TGFA: variants seen among roughly 807,000 people sequenced by gnomAD.
The protein encoded by TGFA is transforming growth factor alpha, also known as protransforming growth factor alpha.
TGFA carries 12 observed loss-of-function variants against 21.7 expected under a neutral mutation model. The observed-to-expected ratio is 0.55, with a 90% CI of 0.35 to 0.90. The LOEUF is 0.90. Among genes scored for constraint, TGFA ranks in the 40% least tolerant of loss-of-function variants. The probability of loss-of-function intolerance (pLI) is 0.01; values close to 1 mark genes in which losing one functional copy is unlikely to be tolerated. For missense variants in TGFA, 178 were observed against 210.8 expected (o/e 0.84, Z 0.96); for synonymous variants, 79 against 88.1 (o/e 0.90, Z 0.58).
intron 1 of TGFA, chr2:70,553,405 G>C: frequency 6.9e-7 from 1 of 1,442,586 alleles, no homozygotes; most frequent in Non-Finnish European, 9.0e-7. Flanking sequence ...AAGCAGGTAG[G>C]TGTAGGCATG....
intron 4 of TGFA, 146 bp downstream of exon 4, chr2:70,456,193 C>G: frequency 8.5e-7 from 1 of 1,173,972 alleles, no homozygotes; most frequent in South Asian, 1.6e-5. Context: ...CAACAGTCAT[C>G]AAAGTAGCAT....
In TGFA at chr2:70,453,322, C is replaced by A. The variant is rs1236281679; in HGVS notation, c.371G>T (p.Cys124Phe). ...LIITCVLIHCCQVRKHCEWCR... is the reference protein window; with the variant it reads ...LIITCVLIHCFQVRKHCEWCR... ...CCACTCACAGTGTTTTCGGACCTGG[C>A]AGCAGCTGCAAAGACACAGAGGACC... Residue 124 changes from cysteine (C) to phenylalanine (F), a missense_variant, in exon 5 of 6, where the codon TGC becomes TTC. Transcript: ENST00000295400. The A allele has an allele frequency of 1.2e-6, 2 of 1,613,024 alleles. No individual in the cohort carries two copies. Among genetic ancestry groups the A allele is most frequent in the African/African-American group, 2.7e-5 (2 of 74,930 alleles).
At chr2:70,486,205 TC>T (rs1278415837) in intron 2 of TGFA, among the ~76,000 whole-genome samples, 3 of 152,212 alleles carry the variant, frequency 2.0e-5, no homozygotes, top group Admixed American at 2.0e-4. Context: ...AAAAATGACC[TC>T]TGTAGACTTA....
chr2:70,478,441 C>A (rs556394112), intron 2 of TGFA, among the ~76,000 whole-genome samples: 38 of 152,102 alleles, frequency 2.5e-4, no homozygotes, highest in South Asian at 1.0e-3. Context: ...CCCTACAGTT[C>A]TCCAAATGGC....
intron 2 of TGFA, among the ~76,000 whole-genome samples, chr2:70,504,467 C>CACAT (rs1308758543): frequency 1.2e-5 from 1 of 82,882 alleles, no homozygotes; most frequent in African/African-American, 4.2e-5. Flanking sequence ...TATATATACA[C>CACAT]ACATACATAC....
At chr2:70,518,366 A>G (rs550010303) in intron 1 of TGFA, among the ~76,000 whole-genome samples, 24 of 152,348 alleles carry the variant, frequency 1.6e-4, no homozygotes, top group Non-Finnish European at 2.9e-4. Flanking sequence ...TGAAAGGCTG[A>G]TCCTGTGTCC....
At position 70,453,777 on chromosome 2, in the gene TGFA, G is replaced by A. The variant is rs1175203005; in HGVS notation, c.366-450C>T. Among the ~76,000 whole-genome samples, 4 of 152,224 alleles carry A rather than the reference G, an allele frequency of 2.6e-5. No individual in the cohort carries two copies. The East Asian group carries it at 7.7e-4, about 29-fold the overall frequency. The stretch of plus-strand genomic sequence containing the variant: ...AGAGGTTATTCATCTGGTATTGCCA[G>A]TAGCAGAACAAGGAACTTGGATGGC... On this transcript the variant is annotated intron_variant, in intron 4 of 5. Transcript: ENST00000295400.
rs1031170725 is a variant in TGFA at position 70,448,959 on chromosome 2, A to G, written c.*1900T>C. ...ACTGATTGATAGAGGTCTAAAAACCAGTGTCCGTTGATTGGTCTCTAAGCA... is the reference window on the plus strand; with the variant it reads ...ACTGATTGATAGAGGTCTAAAAACCGGTGTCCGTTGATTGGTCTCTAAGCA... On this transcript the variant is annotated 3_prime_UTR_variant, in exon 6 of 6. Coordinates refer to ENST00000295400, the MANE Select transcript of TGFA (RefSeq NM_003236.4). 6.6e-5 allele frequency: 10 copies of G among 152,246 alleles called. No individual in the cohort carries two copies. Among genetic ancestry groups the G allele is most frequent in the African/African-American group, 2.4e-4 (10 of 41,468 alleles). The allele number at this position is 152,246 out of a possible 1,614,324, so 9.4% of individuals were successfully genotyped here. A position where few individuals can be genotyped will look rare whatever the true frequency, so the allele number is the denominator to read the frequency against.
At chr2:70,535,733 C>T (rs782755966) in intron 1 of TGFA, among the ~76,000 whole-genome samples, 7 of 152,200 alleles carry the variant, frequency 4.6e-5, no homozygotes, top group Non-Finnish European at 1.0e-4. Flanking sequence ...CCCTCTGTTG[C>T]ACCGTATGGG....
intron 1 of TGFA, among the ~76,000 whole-genome samples, chr2:70,542,688 A>G (rs1673168215): frequency 6.6e-6 from 1 of 152,234 alleles, no homozygotes; most frequent in South Asian, 2.1e-4. Context: ...CAGCAGCCTC[A>G]GCTACAAATT....
chr2:70,542,960 G>A (rs1673175555), intron 1 of TGFA, among the ~76,000 whole-genome samples: 1 of 151,636 alleles, frequency 6.6e-6, no homozygotes, highest in South Asian at 2.1e-4. Context: ...AAAATTAGCC[G>A]GGCGTAGTGG....
intron 4 of TGFA, among the ~76,000 whole-genome samples, chr2:70,453,975 G>T (rs1321973377): frequency 6.6e-6 from 1 of 151,606 alleles, no homozygotes; most frequent in Non-Finnish European, 1.5e-5. Context: ...CCCTCTGTGG[G>T]CAGGAATGGA....
intron 4 of TGFA, among the ~76,000 whole-genome samples, chr2:70,454,012 A>T (rs1259965354): frequency 1.3e-5 from 2 of 151,686 alleles, no homozygotes; most frequent in Admixed American, 6.6e-5. Context: ...CATGAAAAAA[A>T]AAAAGCCCCA....
chr2:70,521,535 G>A (rs1252320457), intron 1 of TGFA, among the ~76,000 whole-genome samples: 1 of 151,460 alleles, frequency 6.6e-6, no homozygotes, highest in African/African-American at 2.4e-5. Context: ...TGAGAAAAAT[G>A]TGGTATATTG....
intron 2 of TGFA, among the ~76,000 whole-genome samples, chr2:70,510,058 A>C (rs1672044883): frequency 6.6e-6 from 1 of 152,136 alleles, no homozygotes; most frequent in African/African-American, 2.4e-5. Flanking sequence ...TCTGTCCCCA[A>C]CCATGCTATT....
rs797022948 is a variant in TGFA, at chr2:70,521,609, G to GTTTTTTTTTTTTTTTTTTTTTTTT, written c.41-6698_41-6697insAAAAAAAAAAAAAAAAAAAAAAAA. Among the ~76,000 whole-genome samples, 26 of 78,884 alleles carry GTTTTTTTTTTTTTTTTTTTTTTTT rather than the reference G, an allele frequency of 3.3e-4. 2 individuals are homozygous for GTTTTTTTTTTTTTTTTTTTTTTTT. Among genetic ancestry groups the GTTTTTTTTTTTTTTTTTTTTTTTT allele is most frequent in the East Asian group, 2.8e-3 (7 of 2,506 alleles). The allele number at this position is 78,884 out of a possible 152,430, so 51.8% of individuals were successfully genotyped here. A position where few individuals can be genotyped will look rare whatever the true frequency, so the allele number is the denominator to read the frequency against. On this transcript the variant is annotated intron_variant, in intron 1 of 5. Coordinates refer to ENST00000295400, the MANE Select transcript of TGFA (RefSeq NM_003236.4). ...ACTATTGATAGTTTTTTTTGTTGTT[G>GTTTTTTTTTTTTTTTTTTTTTTTT]TTTGTTTGTTTTTTTTTTTTTTTTT...
chr2:70,496,681 C>G (rs1553498392), intron 2 of TGFA, among the ~76,000 whole-genome samples: 2 of 152,170 alleles, frequency 1.3e-5, no homozygotes, highest in Non-Finnish European at 2.9e-5. Flanking sequence ...ATATAAAGCA[C>G]TTGGTATGGT....
chr2:70,485,245 C>T (rs143749696), intron 2 of TGFA, among the ~76,000 whole-genome samples: 3 of 152,068 alleles, frequency 2.0e-5, no homozygotes, highest in Admixed American at 1.3e-4. Context: ...GTCATCCCCC[C>T]CCTTTCTTTT....
chr2:70,450,980 C>A, intron 5 of TGFA, 114 bp from the exon 6 acceptor site: 1 of 1,345,196 alleles, frequency 7.4e-7, no homozygotes, highest in South Asian at 1.3e-5. Context: ...CAAGTTCTCT[C>A]GGGCAGTTAG....
Sources: gnomAD v4.1 joint callset for allele counts (sites outside exome capture counted in the v4.1 genomes callset) on GRCh38, gnomAD v4.1.1 for gene constraint, MANE v1.5 for transcripts, NCBI Gene and HGNC (gene_info 2026-07-23, HGNC 2026-07-21) for gene names.